Variants in TIAM1 observed in about 807,000 individuals in gnomAD.
TIAM1 encodes the protein TIAM Rac1 associated GEF 1.
A neutral mutation model predicts 163.5 loss-of-function variants in TIAM1; 65 were observed. The ratio of observed to expected loss-of-function variants is 0.40; its 90% CI spans 0.33 to 0.49. TIAM1 has a LOEUF of 0.49. Among genes scored for constraint, TIAM1 ranks in the 20% least tolerant of loss-of-function variants. The pLI is 0.77. For synonymous variants in TIAM1, 833 were observed against 810.1 expected, an observed-to-expected ratio of 1.03 and a Z score of -0.48; for missense variants, 1,789 against 2,044.7, an observed-to-expected ratio of 0.87 and a Z score of 2.41.
chr21:31,230,019 G>A (rs916760496), intron 6 of TIAM1, among the ~76,000 whole-genome samples: 1 of 152,170 alleles, frequency 6.6e-6, no homozygotes, highest in African/African-American at 2.4e-5. Context: ...GGCGCACGCA[G>A]CACTAAGGAG....
At chr21:31,549,545 A>G (rs1037236159) in intron 1 of TIAM1, among the ~76,000 whole-genome samples, 2 of 152,262 alleles carry the variant, frequency 1.3e-5, no homozygotes, top group African/African-American at 4.8e-5. Context: ...TTAGCCTACA[A>G]GCACATGAAA....
In TIAM1 at chr21:31,230,664, G is replaced by T. The variant is rs2088359238; in HGVS notation, c.1585-4714C>A. Reference sequence around the variant, plus strand: ...CTCAGCCTCCCTAGTCCCTAGCTGGGACTACAGGCTACTAGGGAGCCACAC... The same window carrying T: ...CTCAGCCTCCCTAGTCCCTAGCTGGTACTACAGGCTACTAGGGAGCCACAC... On this transcript the variant is annotated intron_variant, in intron 6 of 27. Coordinates refer to ENST00000541036, the MANE Select transcript of TIAM1 (RefSeq NM_001353694.2). Among the ~76,000 whole-genome samples the T allele has an allele frequency of 1.3e-5, 2 of 152,122 alleles. 1 individual carries two copies. The highest frequency in any genetic ancestry group is 4.1e-4 in the South Asian group (2 of 4,828).
intron 1 of TIAM1, among the ~76,000 whole-genome samples, chr21:31,470,930 A>AC (rs2147372473): frequency 6.6e-6 from 1 of 151,970 alleles, no homozygotes; most frequent in East Asian, 1.9e-4. Flanking sequence ...GCCGCCACCC[A>AC]CCCCCGAGGG....
At chr21:31,340,578 C>T (rs192997759) in intron 1 of TIAM1, among the ~76,000 whole-genome samples, 3 of 152,242 alleles carry the variant, frequency 2.0e-5, no homozygotes, top group African/African-American at 7.2e-5. Context: ...TTGCCCAGGA[C>T]AGCCTCAAAC....
At chr21:31,382,835 G>C (rs933314951) in intron 2 of TIAM1, among the ~76,000 whole-genome samples, 2 of 152,192 alleles carry the variant, frequency 1.3e-5, no homozygotes, top group East Asian at 3.8e-4. Flanking sequence ...GGTTCAAGAA[G>C]TATGCTTTTA....
Position 31,266,219 on chromosome 21 carries a change from T to G in TIAM1, c.754A>C (p.Lys252Gln). ...GVTANGGPGS[K>Q]FAGYCRNLVS... ...AAATTCCGACAGTAGCCTGCAAATT[T>G]GCTCCCCGGCCCCCCGTTTGCTGTC... Residue 252 changes from lysine (K) to glutamine (Q), a missense_variant, in exon 4 of 28, where the codon AAA becomes CAA. By Grantham distance (53) the Lys-to-Gln change is moderately conservative. This residue lies in a region of TIAM1 where 555 missense variants were observed against 564.9 expected (regional missense o/e 0.98). Transcript: ENST00000541036. 3.7e-6 allele frequency: 6 copies of G among 1,614,172 alleles called. No individual in the cohort carries two copies. The highest frequency in any genetic ancestry group is 4.2e-6 in the Non-Finnish European group (5 of 1,180,036).
chr21:31,472,616 T>C (rs950416326), intron 1 of TIAM1, among the ~76,000 whole-genome samples: 1 of 152,226 alleles, frequency 6.6e-6, no homozygotes, highest in African/African-American at 2.4e-5. Context: ...TCAGTGAGTT[T>C]CCAAGGACCA....
At chr21:31,226,952 G>GTT (rs35401090) in intron 6 of TIAM1, among the ~76,000 whole-genome samples, 1,750 of 112,304 alleles carry the variant, frequency 0.016, 3 homozygotes, top group Non-Finnish European at 0.021. Flanking sequence ...AAAATTCTGT[G>GTT]TTTTTTTTTT....
intron 2 of TIAM1, among the ~76,000 whole-genome samples, chr21:31,417,874 C>T (rs957668968): frequency 6.6e-6 from 1 of 152,044 alleles, no homozygotes; most frequent in African/African-American, 2.4e-5. Context: ...AGACACAGGA[C>T]AAGAGGCTTG....
chr21:31,246,686 G>A (rs955124745), intron 5 of TIAM1, among the ~76,000 whole-genome samples: 1 of 152,198 alleles, frequency 6.6e-6, no homozygotes, highest in African/African-American at 2.4e-5. Context: ...GTAGAATGAT[G>A]CAGATCAATG....
At chr21:31,553,416 G>C (rs1049161324) in intron 1 of TIAM1, among the ~76,000 whole-genome samples, 1 of 152,172 alleles carries the variant, frequency 6.6e-6, no homozygotes, top group African/African-American at 2.4e-5. Flanking sequence ...CAGTTGGTTG[G>C]GTGAGGGTCC....
At position 31,127,033 on chromosome 21, in the gene TIAM1, A is replaced by G. The variant is rs1333185507; in HGVS notation, c.4133+32T>C. On this transcript the variant is annotated intron_variant, in intron 26 of 27. Coordinates refer to ENST00000541036, the MANE Select transcript of TIAM1 (RefSeq NM_001353694.2). ...ACCGTTCCAATCTGCAGAAATGTCAACACGGCCTCGACTTTACAGGCCCAG... is the reference window on the plus strand; with the variant it reads ...ACCGTTCCAATCTGCAGAAATGTCAGCACGGCCTCGACTTTACAGGCCCAG... 4 of 1,609,150 alleles carry G rather than the reference A, an allele frequency of 2.5e-6. No homozygotes were observed. In the African/African-American group the frequency reaches 4.0e-5, roughly 16 times the overall value.
chr21:31,518,172 G>A (rs1012028282), intron 1 of TIAM1, among the ~76,000 whole-genome samples: 2 of 152,186 alleles, frequency 1.3e-5, no homozygotes, highest in African/African-American at 4.8e-5. Context: ...GTTCTCCCCT[G>A]GTGCCTTGGG....
At position 31,388,128 on chromosome 21, in the gene TIAM1, T is replaced by A. The variant is rs551565077; in HGVS notation, c.-368-48706A>T. Among the ~76,000 whole-genome samples the A allele has an allele frequency of 3.3e-5, 5 of 152,018 alleles. No homozygotes were observed. The South Asian group carries it at 1.0e-3, about 32-fold the overall frequency. On this transcript the variant is annotated intron_variant, in intron 2 of 28. Coordinates refer to the TIAM1 transcript ENST00000286827. ...GCCGCAAAAAGCTTCTTGTGCTGTC[T>A]GCAAAACAACGAGCCAATTAAAGCC...
At chr21:31,272,386 T>A (rs923276181) in intron 3 of TIAM1, among the ~76,000 whole-genome samples, 6 of 152,018 alleles carry the variant, frequency 3.9e-5, no homozygotes, top group Admixed American at 2.6e-4. Flanking sequence ...ACACAAATAC[T>A]TATTAGTTAG....
At chr21:31,464,514 T>C (rs1253896049) in intron 1 of TIAM1, among the ~76,000 whole-genome samples, 3 of 151,998 alleles carry the variant, frequency 2.0e-5, no homozygotes, top group Non-Finnish European at 4.4e-5. Flanking sequence ...TCAAGACCAG[T>C]CTCGGCAACA....
At chr21:31,140,026 A>T (rs1180526084) in intron 22 of TIAM1, among the ~76,000 whole-genome samples, 1 of 152,220 alleles carries the variant, frequency 6.6e-6, no homozygotes, top group Non-Finnish European at 1.5e-5. Context: ...TTTCCAATGA[A>T]CCTTTACAAC....
At chr21:31,551,187 C>T (rs2048673249) in intron 1 of TIAM1, among the ~76,000 whole-genome samples, 1 of 152,020 alleles carries the variant, frequency 6.6e-6, no homozygotes, top group African/African-American at 2.4e-5. Context: ...GCACTCCAGC[C>T]TGGGCAACAG....
At chr21:31,225,150 T>A (rs2087874173) in intron 7 of TIAM1, among the ~76,000 whole-genome samples, 1 of 151,988 alleles carries the variant, frequency 6.6e-6, no homozygotes, top group Non-Finnish European at 1.5e-5. Context: ...CTCCTGAGAC[T>A]ACAGTTGCGG....
Sources: allele counts gnomAD v4.1 joint callset (sites outside exome capture counted in the v4.1 genomes callset), GRCh38; gene constraint gnomAD v4.1.1; regional missense constraint gnomAD v4.1.1; transcripts MANE v1.5; gene names NCBI Gene and HGNC (gene_info 2026-07-23, HGNC 2026-07-21).